The following WDR70 variants were observed in gnomAD, a reference collection of about 807,000 sequenced individuals.
WDR70 encodes WD repeat domain 70, also known as WD repeat-containing protein 70.
WDR70 carries 53 observed loss-of-function variants against 88.6 expected under a neutral mutation model. The ratio of observed to expected loss-of-function variants is 0.60; its 90% CI spans 0.48 to 0.75. The LOEUF (loss-of-function observed/expected upper bound fraction) is 0.75, where lower values mean the gene tolerates loss of function less well. Ranked by LOEUF, WDR70 falls within the 30% of genes least tolerant of loss-of-function variation. WDR70 has a pLI of 0.00. For missense variants in WDR70, 610 were observed against 823.2 expected, an observed-to-expected ratio of 0.74 and a Z score of 3.17; for synonymous variants, 280 against 270.0, an observed-to-expected ratio of 1.04 and a Z score of -0.36.
At position 37,706,998 on chromosome 5, in the gene WDR70, T is replaced by A. The variant is rs193068828; in HGVS notation, c.1416+3911T>A. 4.1e-4 allele frequency among the ~76,000 whole-genome samples: 62 copies of A among 152,302 alleles called. 1 individual carries two copies. In the East Asian group the frequency reaches 0.012, roughly 29 times the overall value. On this transcript the variant is annotated intron_variant, in intron 13 of 17. Coordinates refer to ENST00000265107, the MANE Select transcript of WDR70 (RefSeq NM_018034.4). ...AAAGAATGGATAAAATACAACTTGG[T>A]GATGACATGTCAATTTTTAAAGTTA...
intron 10 of WDR70, among the ~76,000 whole-genome samples, chr5:37,693,552 CA>C (rs1028026056): frequency 6.7e-6 from 1 of 150,326 alleles, no homozygotes; most frequent in African/African-American, 2.4e-5. Context: ...TCAGAAATAA[CA>C]CATCTACAAC....
chr5:37,467,534 AT>A lies in WDR70; in HGVS notation c.687-12280del, dbSNP rs35972019. 8.0e-3 allele frequency among the ~76,000 whole-genome samples: 998 copies of A among 124,520 alleles called. 8 individuals are homozygous for A. Among genetic ancestry groups the A allele is most frequent in the African/African-American group, 0.027 (938 of 34,650 alleles). 81.7% of individuals were successfully genotyped at this position (124,520 alleles called of 152,430 possible). ...TGGGGGTTAGGGCTTTATCATATGA[AT>A]TTTTTTTTTTTTTTTTTTTGAGACA... On this transcript the variant is annotated intron_variant, in intron 7 of 17. Transcript: ENST00000265107.
At chr5:37,619,395 A>T (rs1408676228) in intron 10 of WDR70, among the ~76,000 whole-genome samples, 1 of 152,202 alleles carries the variant, frequency 6.6e-6, no homozygotes, top group Non-Finnish European at 1.5e-5. Context: ...TAGTCTCTAA[A>T]AAGCCTATAT....
At chr5:37,708,115 G>T (rs1434223182) in intron 13 of WDR70, among the ~76,000 whole-genome samples, 3 of 149,442 alleles carry the variant, frequency 2.0e-5, no homozygotes, top group Non-Finnish European at 4.5e-5. Flanking sequence ...TTTTTAAATA[G>T]TAAAGAACAA....
At chr5:37,665,953 G>A (rs945422595) in intron 10 of WDR70, among the ~76,000 whole-genome samples, 5 of 152,136 alleles carry the variant, frequency 3.3e-5, no homozygotes, top group African/African-American at 4.8e-5. Context: ...TCCGTCACTT[G>A]AACTGGCTGC....
intron 5 of WDR70, among the ~76,000 whole-genome samples, chr5:37,411,277 A>G (rs971378590): frequency 6.6e-6 from 1 of 152,310 alleles, no homozygotes; most frequent in African/African-American, 2.4e-5. Context: ...GTGTTATTTA[A>G]TATAATAATG....
Position 37,396,512 on chromosome 5 carries a change from C to T in WDR70, c.434C>T (p.Pro145Leu). 3 of 1,613,738 alleles carry T rather than the reference C, an allele frequency of 1.9e-6. No individual in the cohort carries two copies. Among genetic ancestry groups the T allele is most frequent in the Non-Finnish European group, 2.5e-6 (3 of 1,179,960 alleles). Residue 145 changes from proline to leucine, a missense_variant, in exon 5 of 18, where the codon CCT becomes CTT. Coordinates refer to ENST00000265107, the MANE Select transcript of WDR70 (RefSeq NM_018034.4). ...GATATCCTCGGTCCTTTACCTCCAC[C>T]TCTTAATGAAGAAGAAGAAGAAGCA... ...EEDILGPLPP[P>L]LNEEEEEAEE...
intron 10 of WDR70, among the ~76,000 whole-genome samples, chr5:37,692,550 G>T (rs1370200998): frequency 1.3e-5 from 2 of 152,142 alleles, no homozygotes; most frequent in Non-Finnish European, 2.9e-5. Context: ...GGGATGCAAG[G>T]ATAGTTTAAC....
intron 13 of WDR70, among the ~76,000 whole-genome samples, chr5:37,705,769 G>T (rs1747305607): frequency 6.6e-6 from 1 of 152,184 alleles, no homozygotes; most frequent in Non-Finnish European, 1.5e-5. Context: ...ACTTAACTGT[G>T]TTGAGTTTTA....
intron 5 of WDR70, among the ~76,000 whole-genome samples, chr5:37,427,758 G>A (rs1019413814): frequency 3.9e-5 from 6 of 152,122 alleles, no homozygotes; most frequent in African/African-American, 7.2e-5. Context: ...GTGGTGGCGC[G>A]CGCCTGTAAT....
At chr5:37,598,242 T>A (rs943969825) in intron 9 of WDR70, among the ~76,000 whole-genome samples, 44 of 151,500 alleles carry the variant, frequency 2.9e-4, no homozygotes, top group African/African-American at 9.8e-4. Context: ...ATAGTTTTTT[T>A]AAATAACTGA....
chr5:37,524,024 G>A (rs971749424), intron 9 of WDR70, among the ~76,000 whole-genome samples: 3 of 152,276 alleles, frequency 2.0e-5, no homozygotes, highest in Non-Finnish European at 2.9e-5. Flanking sequence ...TGAAAGTGAC[G>A]GGGAGAATGG....
intron 9 of WDR70, among the ~76,000 whole-genome samples, chr5:37,556,802 C>CA (rs1197325501): frequency 6.6e-6 from 1 of 152,122 alleles, no homozygotes; most frequent in African/African-American, 2.4e-5. Context: ...AGGGATACAG[C>CA]AAAACCCTTC....
intron 9 of WDR70, among the ~76,000 whole-genome samples, chr5:37,566,041 T>G (rs772377230): frequency 8.5e-5 from 13 of 152,142 alleles, no homozygotes; most frequent in Non-Finnish European, 1.6e-4. Flanking sequence ...CACAGAGTTG[T>G]GCAACCATCA....
chr5:37,396,999 G>A (rs536522835), intron 5 of WDR70, among the ~76,000 whole-genome samples: 3 of 152,208 alleles, frequency 2.0e-5, no homozygotes, highest in East Asian at 3.9e-4. Context: ...AAAATTAGAC[G>A]GGTGTTATGG....
intron 10 of WDR70, among the ~76,000 whole-genome samples, chr5:37,634,815 G>T (rs1744913189): frequency 6.6e-6 from 1 of 152,180 alleles, no homozygotes; most frequent in Non-Finnish European, 1.5e-5. Context: ...TACCTGTCAA[G>T]GTAGGGAGAT....
At chr5:37,489,636 A>G (rs1740000956) in intron 8 of WDR70, among the ~76,000 whole-genome samples, 1 of 152,004 alleles carries the variant, frequency 6.6e-6, no homozygotes, top group Admixed American at 6.5e-5. Context: ...GCCTGTTATT[A>G]TGCCATCTGG....
chr5:37,550,952 A>G (rs1200044112), intron 9 of WDR70, among the ~76,000 whole-genome samples: 1 of 152,162 alleles, frequency 6.6e-6, no homozygotes, highest in Non-Finnish European at 1.5e-5. Flanking sequence ...CCATTATTTT[A>G]AGATGATAGC....
intron 7 of WDR70, among the ~76,000 whole-genome samples, chr5:37,461,520 G>C (rs1337820018): frequency 6.6e-6 from 1 of 151,900 alleles, no homozygotes; most frequent in Non-Finnish European, 1.5e-5. Flanking sequence ...GTCTCACTCT[G>C]TTGCCCAGGC....
Sources: gnomAD v4.1 joint callset for allele counts (sites outside exome capture counted in the v4.1 genomes callset) on GRCh38, gnomAD v4.1.1 for gene constraint, MANE v1.5 for transcripts, NCBI Gene and HGNC (gene_info 2026-07-23, HGNC 2026-07-21) for gene names.